Variants in GPC5 observed in about 807,000 individuals in gnomAD.
The protein encoded by GPC5 is glypican 5, also known as glypican-5.
A neutral mutation model predicts 53.9 loss-of-function variants in GPC5; 47 were observed. That is an observed-to-expected ratio of 0.87 (90% CI 0.69 to 1.11). The LOEUF is 1.11. GPC5 is among the 50% of genes most tolerant of loss of function. GPC5 has a pLI of 0.00. For synonymous variants in GPC5, 286 were observed against 263.3 expected, an observed-to-expected ratio of 1.09 and a Z score of -0.84; for missense variants, 748 against 713.1, an observed-to-expected ratio of 1.05 and a Z score of -0.56.
intron 7 of GPC5, among the ~76,000 whole-genome samples, chr13:92,818,349 G>A (rs1046424951): frequency 6.6e-6 from 1 of 151,874 alleles, no homozygotes; most frequent in African/African-American, 2.4e-5. Context: ...AGTTACTTAT[G>A]TCACATGCTT....
chr13:92,493,684 C>A (rs1401419291), intron 7 of GPC5, among the ~76,000 whole-genome samples: 2 of 152,024 alleles, frequency 1.3e-5, no homozygotes, highest in Admixed American at 6.5e-5. Flanking sequence ...TCTTATTTTT[C>A]TTTTTCAATG....
intron 6 of GPC5, among the ~76,000 whole-genome samples, chr13:92,141,045 G>A (rs1199431955): frequency 2.0e-5 from 3 of 152,124 alleles, no homozygotes; most frequent in Admixed American, 6.5e-5. Context: ...GAGGAAGTGA[G>A]GAGAAAGATA....
At chr13:92,756,984 T>A (rs1844895368) in intron 7 of GPC5, among the ~76,000 whole-genome samples, 1 of 151,980 alleles carries the variant, frequency 6.6e-6, no homozygotes, top group African/African-American at 2.4e-5. Context: ...AAAACTATTT[T>A]AAAGTTCATA....
intron 6 of GPC5, among the ~76,000 whole-genome samples, chr13:92,015,301 A>G (rs1374869145): frequency 6.6e-6 from 1 of 152,160 alleles, no homozygotes; most frequent in Non-Finnish European, 1.5e-5. Flanking sequence ...AAAACACTGA[A>G]CACCAGTGAT....
chr13:91,947,576 C>T (rs1017863745), intron 6 of GPC5, among the ~76,000 whole-genome samples: 1 of 152,152 alleles, frequency 6.6e-6, no homozygotes, highest in African/African-American at 2.4e-5. Flanking sequence ...ATCTTAATTT[C>T]ATCAGCCTTT....
chr13:91,817,437 C>A (rs973695665), intron 5 of GPC5, among the ~76,000 whole-genome samples: 2 of 152,150 alleles, frequency 1.3e-5, no homozygotes, highest in African/African-American at 4.8e-5. Flanking sequence ...TAGATGGCAT[C>A]CTTGTACCGG....
chr13:91,538,736 C>T (rs948901404), intron 2 of GPC5, among the ~76,000 whole-genome samples: 2 of 151,836 alleles, frequency 1.3e-5, no homozygotes, highest in African/African-American at 2.4e-5. Flanking sequence ...GTGCCCGCCA[C>T]GACGCTGGGC....
chr13:91,499,270 G>A (rs1258354448), intron 2 of GPC5, among the ~76,000 whole-genome samples: 1 of 152,134 alleles, frequency 6.6e-6, no homozygotes, highest in Non-Finnish European at 1.5e-5. Flanking sequence ...TCAGTTTGAT[G>A]GATCAGCATA....
intron 7 of GPC5, among the ~76,000 whole-genome samples, chr13:92,833,075 G>A (rs1878104297): frequency 6.6e-6 from 1 of 152,124 alleles, no homozygotes; most frequent in South Asian, 2.1e-4. Context: ...CAATGAAGTA[G>A]AGACTACTGG....
At chr13:92,481,484 G>T (rs1879354252) in intron 7 of GPC5, among the ~76,000 whole-genome samples, 1 of 152,256 alleles carries the variant, frequency 6.6e-6, no homozygotes, top group Admixed American at 6.5e-5. Flanking sequence ...GCGCAAAAAG[G>T]GGAAAAGAGT....
At chr13:92,522,347 A>T (rs1169853759) in intron 7 of GPC5, among the ~76,000 whole-genome samples, 1 of 152,206 alleles carries the variant, frequency 6.6e-6, no homozygotes, top group East Asian at 1.9e-4. Context: ...TATTCACAAC[A>T]GCAAAGACTT....
intron 6 of GPC5, among the ~76,000 whole-genome samples, chr13:92,064,764 A>AAAAAAACAAAACAAAAC (rs1555308147): frequency 1.1e-4 from 15 of 138,468 alleles, no homozygotes; most frequent in African/African-American, 3.9e-4. Context: ...CTCAAAAAAA[A>AAAAAAACAAAACAAAAC]AAAACAAAAC....
intron 5 of GPC5, among the ~76,000 whole-genome samples, chr13:91,881,256 G>C (rs2039261164): frequency 6.6e-6 from 1 of 151,908 alleles, no homozygotes; most frequent in Middle Eastern, 3.2e-3. Context: ...AAAAATTGAA[G>C]TAAATATATA....
At chr13:91,984,727 T>C (rs1481061345) in intron 6 of GPC5, among the ~76,000 whole-genome samples, 1 of 152,258 alleles carries the variant, frequency 6.6e-6, no homozygotes, top group Non-Finnish European at 1.5e-5. Context: ...AATGTTGTTT[T>C]TTAGCCTTAT....
chr13:91,881,108 A>G (rs1215026737), intron 5 of GPC5, among the ~76,000 whole-genome samples: 3 of 151,982 alleles, frequency 2.0e-5, no homozygotes, highest in Non-Finnish European at 4.4e-5. Context: ...ACTTTTTTTT[A>G]ATAGGTTGTG....
intron 7 of GPC5, among the ~76,000 whole-genome samples, chr13:92,350,855 TAG>T (rs2043471558): frequency 6.6e-6 from 1 of 152,132 alleles, no homozygotes; most frequent in Admixed American, 6.6e-5. Context: ...TCAAAAAGTT[TAG>T]AGAGACAATA....
At chr13:92,697,353 C>G (rs886541693) in intron 7 of GPC5, among the ~76,000 whole-genome samples, 1 of 151,960 alleles carries the variant, frequency 6.6e-6, no homozygotes. Context: ...TTCCATTTAT[C>G]TGTGTCCTCT....
chr13:91,804,378 A>G (rs2038186770), intron 5 of GPC5, among the ~76,000 whole-genome samples: 1 of 152,194 alleles, frequency 6.6e-6, no homozygotes, highest in African/African-American at 2.4e-5. Flanking sequence ...TGCTCCCCCA[A>G]CATCTTATTG....
chr13:91,829,161 C>G (rs1202729936), intron 5 of GPC5, among the ~76,000 whole-genome samples: 1 of 152,060 alleles, frequency 6.6e-6, no homozygotes, highest in African/African-American at 2.4e-5. Context: ...CACATGACCT[C>G]TATGGCATTC....
Sources: gnomAD v4.1 joint callset for allele counts (sites outside exome capture counted in the v4.1 genomes callset) on GRCh38, gnomAD v4.1.1 for gene constraint, MANE v1.5 for transcripts, NCBI Gene and HGNC (gene_info 2026-07-23, HGNC 2026-07-21) for gene names.